GLI3: variants seen among roughly 807,000 people sequenced by gnomAD.
The protein encoded by GLI3 is GLI family zinc finger 3.
GLI3 carries 20 observed loss-of-function variants against 100.8 expected under a neutral mutation model. The observed-to-expected ratio is 0.20, with a 90% CI of 0.14 to 0.29. The LOEUF is 0.29. Ranked by LOEUF, GLI3 falls within the 10% of genes least tolerant of loss-of-function variation. The pLI, the probability that GLI3 is intolerant of heterozygous loss-of-function variation, is 1.00. For missense variants in GLI3, 2,040 were observed against 2,128.5 expected, an observed-to-expected ratio of 0.96 and a Z score of 0.82; for synonymous variants, 938 against 860.5, an observed-to-expected ratio of 1.09 and a Z score of -1.58.
chr7:42,130,136 T>C (rs1273245300), intron 3 of GLI3, among the ~76,000 whole-genome samples: 1 of 152,094 alleles, frequency 6.6e-6, no homozygotes, highest in Non-Finnish European at 1.5e-5. Context: ...TACCGGTTCT[T>C]ATAGCTCCCC....
chr7:41,975,641 T>C (rs767273866), intron 12 of GLI3, among the ~76,000 whole-genome samples: 1 of 152,178 alleles, frequency 6.6e-6, no homozygotes, highest in Admixed American at 6.5e-5. Context: ...TCACACAACA[T>C]TGCACTTTTT....
At chr7:42,195,183 C>G (rs962814823) in intron 2 of GLI3, among the ~76,000 whole-genome samples, 3 of 152,184 alleles carry the variant, frequency 2.0e-5, no homozygotes, top group Non-Finnish European at 4.4e-5. Context: ...TGTGTTGCCC[C>G]ACTAACCTAT....
Position 41,966,580 on chromosome 7 carries a change from G to T in GLI3, c.2493C>A (p.Ser831Arg), listed in dbSNP as rs752838669. The change falls in exon 15 of 15, where the codon AGC (serine) becomes AGA (arginine). Residue 831 changes from serine (S) to arginine (R), a missense_variant. By Grantham distance (110) the Ser-to-Arg change is moderately radical (BLOSUM62 -1). Transcript: ENST00000395925. This position sits in a 1 kb window ranked among gnomAD's most constrained non-coding sequence, Gnocchi z 5.8. ...TAGTGACGTCCACCCCAGAGAGGTC[G>T]CTTCTGCCCGGGAGAAGCGTCATGG... Reference protein sequence around the residue: ...GGPMTLLPGRSDLSGVDVTML... With the variant: ...GGPMTLLPGRRDLSGVDVTML... 6 of 1,613,930 alleles carry T rather than the reference G, an allele frequency of 3.7e-6. No homozygotes were observed. The highest frequency in any genetic ancestry group is 2.5e-6 in the Non-Finnish European group (3 of 1,179,972).
At chr7:42,208,758 A>G (rs1301073537) in intron 2 of GLI3, among the ~76,000 whole-genome samples, 1 of 152,234 alleles carries the variant, frequency 6.6e-6, no homozygotes, top group African/African-American at 2.4e-5. Context: ...AGGATGTTCA[A>G]GAGGTTTGAA....
intron 3 of GLI3, among the ~76,000 whole-genome samples, chr7:42,144,047 C>A (rs567302605): frequency 2.0e-5 from 3 of 152,262 alleles, no homozygotes; most frequent in African/African-American, 7.2e-5. Flanking sequence ...GACAATGCAA[C>A]ACATGTTTTC....
chr7:42,144,401 G>A (rs1003348580), intron 3 of GLI3, among the ~76,000 whole-genome samples: 1 of 152,122 alleles, frequency 6.6e-6, no homozygotes. Flanking sequence ...CATCTAAAAC[G>A]TCTACTTTTG....
chr7:42,007,082 C>T (rs1295426824), intron 10 of GLI3, among the ~76,000 whole-genome samples: 1 of 151,950 alleles, frequency 6.6e-6, no homozygotes, highest in East Asian at 1.9e-4. Context: ...AACGTTCATT[C>T]TTAACTCGAA....
intron 1 of GLI3, among the ~76,000 whole-genome samples, chr7:42,259,076 G>A (rs1789113790): frequency 6.6e-6 from 1 of 152,188 alleles, no homozygotes; most frequent in Non-Finnish European, 1.5e-5. Flanking sequence ...TAACATTACA[G>A]ATTGTCCAAG....
intron 1 of GLI3, among the ~76,000 whole-genome samples, chr7:42,250,450 A>G (rs1789019543): frequency 6.6e-6 from 1 of 152,232 alleles, no homozygotes; most frequent in Admixed American, 6.5e-5. Flanking sequence ...TGACTGAGTC[A>G]GAATCCAGAG....
At chr7:42,239,104 T>C (rs886495137), upstream of GLI3, among the ~76,000 whole-genome samples, 4 of 152,066 alleles carry the variant, frequency 2.6e-5, no homozygotes, top group Admixed American at 2.6e-4. Context: ...GTGGTGGAGG[T>C]AAGGTGGGGC....
rs1249392532 is a variant in GLI3 at position 41,966,904 on chromosome 7, G to A, written c.2432-263C>T. The stretch of plus-strand genomic sequence containing the variant: ...GGGCGGCTGGAGATGGCCGCAGGCT[G>A]TAGTTTGCTGATGCCTGGCTTAAAC... On this transcript the variant is annotated intron_variant, in intron 14 of 14. Transcript: ENST00000395925. The surrounding 1 kb of genome is among the most constrained non-coding windows in gnomAD (Gnocchi z 5.8). Among the ~76,000 whole-genome samples the A allele has an allele frequency of 6.6e-6, 1 of 152,162 alleles. No individual in the cohort carries two copies. The highest frequency in any genetic ancestry group is 1.5e-5 in the Non-Finnish European group (1 of 68,038).
At chr7:42,005,496 C>G (rs1209427811) in intron 10 of GLI3, among the ~76,000 whole-genome samples, 2 of 148,236 alleles carry the variant, frequency 1.3e-5, no homozygotes, top group East Asian at 2.0e-4. Flanking sequence ...CACACACACA[C>G]AGATTCAGAG....
At chr7:42,030,101 A>G (rs1300704142) in intron 7 of GLI3, among the ~76,000 whole-genome samples, 1 of 152,136 alleles carries the variant, frequency 6.6e-6, no homozygotes, top group Admixed American at 6.5e-5. Flanking sequence ...GCGGGGCTGC[A>G]TTATTCCAGA....
rs1787044869 is a variant in GLI3, at chr7:41,962,853, C to T, written c.*1477G>A. The stretch of plus-strand genomic sequence containing the variant: ...CAATGGGACAGAATACAGCAGGTAG[C>T]CTGAGGTGTTAATATTTTAACAGTT... On this transcript the variant is annotated 3_prime_UTR_variant, in exon 15 of 15. Transcript: ENST00000395925. 6.6e-6 allele frequency: 1 copy of T among 152,094 alleles called. No individual in the cohort carries two copies. Among genetic ancestry groups the T allele is most frequent in the Admixed American group, 6.5e-5 (1 of 15,276 alleles). 9.4% of individuals were successfully genotyped at this position (152,094 alleles called of 1,614,324 possible). A position where few individuals can be genotyped will look rare whatever the true frequency, so the allele number is the denominator to read the frequency against.
At chr7:42,246,803 A>ATTTTTTTTTTTTT (rs1198985258) in intron 1 of GLI3, among the ~76,000 whole-genome samples, 1 of 63,380 alleles carries the variant, frequency 1.6e-5, no homozygotes, top group African/African-American at 5.8e-5. Flanking sequence ...GGATGATAGA[A>ATTTTTTTTTTTTT]TCTTTTTTTT....
chr7:42,012,151 G>A (rs1010751274), intron 10 of GLI3, among the ~76,000 whole-genome samples: 3 of 152,182 alleles, frequency 2.0e-5, no homozygotes, highest in African/African-American at 7.2e-5. Flanking sequence ...GGATCTAAGA[G>A]AGGAATGTCC....
At chr7:42,151,407 A>G (rs565824650) in intron 2 of GLI3, 8 of 152,360 alleles carry the variant, frequency 5.3e-5, no homozygotes, top group African/African-American at 1.7e-4. Context: ...TCAGCAAGCC[A>G]AAAGACGAAA....
intron 3 of GLI3, among the ~76,000 whole-genome samples, chr7:42,082,766 T>C (rs1183266827): frequency 6.6e-6 from 1 of 151,750 alleles, no homozygotes; most frequent in African/African-American, 2.4e-5. Flanking sequence ...GCCCTGAAAC[T>C]TTTTTTTTAA....
chr7:42,032,925 G>A (rs1239356588), intron 7 of GLI3, among the ~76,000 whole-genome samples: 1 of 152,122 alleles, frequency 6.6e-6, no homozygotes, highest in Non-Finnish European at 1.5e-5. Context: ...TTTTCCTAGA[G>A]TTGCCATGGA....
Sources: gnomAD v4.1 joint callset for allele counts (sites outside exome capture counted in the v4.1 genomes callset) on GRCh38, gnomAD v4.1.1 for gene constraint, Gnocchi (gnomAD v3.1) non-coding constraint, MANE v1.5 for transcripts, NCBI Gene and HGNC (gene_info 2026-07-23, HGNC 2026-07-21) for gene names.